Variants in CELSR1 observed in about 807,000 individuals in gnomAD.
CELSR1 encodes adhesion G protein-coupled receptor C1.
In CELSR1, 110 loss-of-function variants were observed where a neutral mutation model predicts 249.1. The ratio of observed to expected loss-of-function variants is 0.44; its 90% CI spans 0.38 to 0.52. The LOEUF (loss-of-function observed/expected upper bound fraction) is 0.52. Among genes scored for constraint, CELSR1 ranks in the 20% least tolerant of loss-of-function variants. CELSR1 has a pLI of 0.00. For missense variants in CELSR1, 4,109 were observed against 4,296.4 expected (o/e 0.96, Z 1.22); for synonymous variants, 2,113 against 1,900.0 (o/e 1.11, Z -2.92).
chr22:46,369,318 C>G, intron 26 of CELSR1, 60 bp from the exon 27 acceptor site: 2 of 1,432,116 alleles, frequency 1.4e-6, no homozygotes, highest in Non-Finnish European at 2.0e-6. Flanking sequence ...CTCCAACTGC[C>G]AAAAGCGCCT....
intron 1 of CELSR1, among the ~76,000 whole-genome samples, chr22:46,495,495 G>T (rs544276796): frequency 8.5e-5 from 13 of 152,310 alleles, no homozygotes; most frequent in African/African-American, 3.1e-4. Flanking sequence ...GTGCACTCCT[G>T]CAGACTTTAT....
At chr22:46,487,443 G>A (rs76621292) in intron 1 of CELSR1, among the ~76,000 whole-genome samples, 18,208 of 145,286 alleles carry the variant, frequency 0.13, 1,390 homozygotes, top group East Asian at 0.17. Flanking sequence ...ATCTAGGGAT[G>A]CCAAGAGGGA....
In CELSR1 at chr22:46,381,863, G is replaced by T; in HGVS notation, c.7071C>A (p.Pro2357=). 1.3e-6 allele frequency: 2 copies of T among 1,563,166 alleles called. No homozygotes were observed. ...LGQLLPERYD[P]DRRSLRLPHR... is the part of the protein sequence containing the mutation. ...GGCCTTACCGGAGGCTGCGACGGTC[G>T]GGGTCGTAGCGCTCGGGCAGGAGCT... The change falls in exon 21 of 35, where the codon CCC becomes CCA. Residue 2357 remains proline (P), a synonymous_variant. Coordinates refer to ENST00000674500, the MANE Select transcript of CELSR1 (RefSeq NM_001378328.1). This position sits in a 1 kb window ranked among gnomAD's most constrained non-coding sequence, Gnocchi z 6.0.
In CELSR1 at chr22:46,422,027, T is replaced by C. The variant is rs141718849; in HGVS notation, c.4612-10268A>G. On this transcript the variant is annotated intron_variant, in intron 5 of 34. Coordinates refer to ENST00000674500, the MANE Select transcript of CELSR1 (RefSeq NM_001378328.1). The stretch of plus-strand genomic sequence containing the variant: ...TTTATCATAAGGATTTTACATACTT[T>C]GCAAGGCTTAATTAACTTTGTAAAA... Among the ~76,000 whole-genome samples the C allele has an allele frequency of 3.3e-5, 5 of 152,406 alleles. No homozygotes were observed. The East Asian group carries it at 9.6e-4, about 29-fold the overall frequency.
chr22:46,380,915 T>C lies in CELSR1; in HGVS notation c.7129A>G (p.Thr2377Ala), dbSNP rs554929905. 1.0e-4 allele frequency: 168 copies of C among 1,613,606 alleles called. 3 individuals carry two copies. In the South Asian group the frequency reaches 1.7e-3, roughly 16 times the overall value. ...GGAGCCCCCTCGCTGTACACCAGCG[T>C]GCTCACCATCGGGGTATTAATGATG... The part of the protein sequence containing the change: ...RPIINTPMVS[T>A]LVYSEGAPLP... Residue 2377 changes from threonine to alanine, a missense_variant, in exon 22 of 35, where the codon ACG (threonine) becomes GCG (alanine). Transcript: ENST00000674500. The surrounding 1 kb of genome is among the most constrained non-coding windows in gnomAD (Gnocchi z 5.1).
chr22:46,448,947 G>A lies in CELSR1; in HGVS notation c.4184-9536C>T, dbSNP rs184765654. Among the ~76,000 whole-genome samples, 174 of 152,216 alleles carry A rather than the reference G, an allele frequency of 1.1e-3. No individual in the cohort carries two copies. The highest frequency in any genetic ancestry group is 3.9e-3 in the African/African-American group (160 of 41,524). On this transcript the variant is annotated intron_variant, in intron 2 of 34. Coordinates refer to ENST00000674500, the MANE Select transcript of CELSR1 (RefSeq NM_001378328.1). This position sits in a 1 kb window ranked among gnomAD's most constrained non-coding sequence, Gnocchi z 5.7. ...GGGAACGTTACAGGGTTTCTAAGAG[G>A]AAAAGGGTATGTCAGAAATGATAAA...
intron 1 of CELSR1, among the ~76,000 whole-genome samples, chr22:46,525,919 C>T (rs534182341): frequency 8.5e-5 from 13 of 152,398 alleles, no homozygotes; most frequent in African/African-American, 2.6e-4. Context: ...CCGCTCCAGG[C>T]GTGGCCAGCA....
chr22:46,478,911 T>G (rs2080238462), intron 1 of CELSR1, among the ~76,000 whole-genome samples: 1 of 151,956 alleles, frequency 6.6e-6, no homozygotes, highest in South Asian at 2.1e-4. Flanking sequence ...CAGCAGGTCC[T>G]GCTCAGAGCT....
chr22:46,398,551 CACGGAG>C lies in CELSR1; in HGVS notation c.5493_5498del (p.Ser1832_Val1833del). 1 of 1,613,442 alleles carries C rather than the reference CACGGAG, an allele frequency of 6.2e-7. No homozygotes were observed. The highest frequency in any genetic ancestry group is 8.5e-7 in the Non-Finnish European group (1 of 1,179,770). On this transcript the variant is annotated inframe_deletion, in exon 11 of 35. Transcript: ENST00000674500. The surrounding 1 kb of genome is among the most constrained non-coding windows in gnomAD (Gnocchi z 7.2). ...GCATGCAGCCTCGGAATCCACGGCG[CACGGAG>C]ACCTTGTCTTCAGAGGCGCCTCCGA... is the stretch of plus-strand genomic sequence containing the variant.
In CELSR1 at chr22:46,526,743, A is replaced by G. The variant is rs972559799; in HGVS notation, c.3544+6884T>C. On this transcript the variant is annotated intron_variant, in intron 1 of 34. Coordinates refer to ENST00000674500, the MANE Select transcript of CELSR1 (RefSeq NM_001378328.1). The surrounding 1 kb of genome is among the most constrained non-coding windows in gnomAD (Gnocchi z 4.7). ...CCCCACCCAGGAGGCTATTCGGGCC[A>G]TGGCTCCTCAAGGCTGGGCCTGGGT... is the stretch of plus-strand genomic sequence containing the variant. Among the ~76,000 whole-genome samples, 2 of 152,154 alleles carry G rather than the reference A, an allele frequency of 1.3e-5. No individual in the cohort carries two copies. The highest frequency in any genetic ancestry group is 2.9e-5 in the Non-Finnish European group (2 of 68,028).
In CELSR1 at chr22:46,506,173, CAAAAAA is replaced by C. The variant is rs59470297; in HGVS notation, c.3544+27448_3544+27453del. On this transcript the variant is annotated intron_variant, in intron 1 of 34. Transcript: ENST00000674500. The surrounding 1 kb of genome is among the most constrained non-coding windows in gnomAD (Gnocchi z 4.1). The stretch of plus-strand genomic sequence containing the variant: ...CAGCCTGGGCGACAGAGACTGTCTC[CAAAAAA>C]AAAAAAAAAAAAAAGAAAAAGAAAG... Among the ~76,000 whole-genome samples, 4 of 137,022 alleles carry C rather than the reference CAAAAAA, an allele frequency of 2.9e-5. No individual in the cohort carries two copies. Among genetic ancestry groups the C allele is most frequent in the Non-Finnish European group, 1.6e-5 (1 of 64,142 alleles). 89.9% of individuals were successfully genotyped at this position (137,022 alleles called of 152,430 possible).
At chr22:46,474,343 T>A (rs1034958380) in intron 1 of CELSR1, among the ~76,000 whole-genome samples, 4 of 151,996 alleles carry the variant, frequency 2.6e-5, no homozygotes, top group African/African-American at 9.7e-5. Context: ...AAGTCCACAC[T>A]CTGTAACCCC....
rs45551035 is a variant in CELSR1, at chr22:46,439,379, G to A, written c.4216C>T (p.Arg1406Cys). 6.3e-5 allele frequency: 102 copies of A among 1,613,542 alleles called. No individual in the cohort carries two copies. Among genetic ancestry groups the A allele is most frequent in the African/African-American group, 9.3e-5 (7 of 75,028 alleles). ...TTCTTGCACACCCCGTTGGCACAGC[G>A]GCCTGAGCGGGCATCCACCTCACAG... is the stretch of plus-strand genomic sequence containing the variant. The part of the protein sequence containing the change: ...EHCEVDARSG[R>C]CANGVCKNGG... The change falls in exon 3 of 35, where the codon CGC (arginine) becomes TGC (cysteine). Residue 1406 changes from arginine (R) to cysteine (C), a missense_variant. Physicochemically the swap from Arg to Cys is radical, Grantham distance 180. Coordinates refer to ENST00000674500, the MANE Select transcript of CELSR1 (RefSeq NM_001378328.1).
At chr22:46,388,842 T>C (rs1602062714) in intron 18 of CELSR1, among the ~76,000 whole-genome samples, 1 of 152,118 alleles carries the variant, frequency 6.6e-6, no homozygotes, top group African/African-American at 2.4e-5. Context: ...GAGCTGCGGG[T>C]GGGAGTGGAC....
chr22:46,535,059 G>A lies in CELSR1; in HGVS notation c.2112C>T (p.Ser704=), dbSNP rs145293715. Residue 704 remains serine, a synonymous_variant, in exon 1 of 35, where the codon AGC becomes AGT. Coordinates refer to ENST00000674500, the MANE Select transcript of CELSR1 (RefSeq NM_001378328.1). ...CGCGGGCCTGCAGGGTCAGCACGCT[G>A]CTCCCCACGGCCGCATCCTCATTCA... The part of the protein sequence containing the change: ...LRLNEDAAVG[S]SVLTLQARDR... 1.4e-5 allele frequency: 22 copies of A among 1,612,372 alleles called. No homozygotes were observed. In the African/African-American group the frequency reaches 2.8e-4, roughly 21 times the overall value.
In CELSR1 at chr22:46,430,183, GAC is replaced by G. The variant is rs1475517010; in HGVS notation, c.4611+3208_4611+3209del. On this transcript the variant is annotated intron_variant, in intron 5 of 34. Transcript: ENST00000674500. This position sits in a 1 kb window ranked among gnomAD's most constrained non-coding sequence, Gnocchi z 4.6. ...GACACAGCCACTCTGGAGGGCGGGG[GAC>G]AGAGAACGAGACTGAAGAGAGGAGG... 1.3e-5 allele frequency among the ~76,000 whole-genome samples: 2 copies of G among 152,244 alleles called. No homozygotes were observed. The highest frequency in any genetic ancestry group is 4.8e-5 in the African/African-American group (2 of 41,464).
intron 1 of CELSR1, among the ~76,000 whole-genome samples, chr22:46,476,787 A>C (rs2080213078): frequency 6.6e-6 from 1 of 152,054 alleles, no homozygotes; most frequent in African/African-American, 2.4e-5. Flanking sequence ...AGGGACCAGA[A>C]GTGATTAAGC....
intron 2 of CELSR1, among the ~76,000 whole-genome samples, chr22:46,443,988 A>C (rs1460251277): frequency 6.6e-6 from 1 of 152,110 alleles, no homozygotes; most frequent in Non-Finnish European, 1.5e-5. Context: ...GGGTGTACTC[A>C]CCCAACCTCG....
chr22:46,447,561 T>C lies in CELSR1; in HGVS notation c.4184-8150A>G, dbSNP rs1355469669. Reference sequence around the variant, plus strand: ...ACCTATTGCTGTGCTCACTCACGCATGCAGCCTGCCAAAAGCTCCCCCTCT... The same window carrying C: ...ACCTATTGCTGTGCTCACTCACGCACGCAGCCTGCCAAAAGCTCCCCCTCT... On this transcript the variant is annotated intron_variant, in intron 2 of 34. Coordinates refer to ENST00000674500, the MANE Select transcript of CELSR1 (RefSeq NM_001378328.1). This position sits in a 1 kb window ranked among gnomAD's most constrained non-coding sequence, Gnocchi z 4.7. Among the ~76,000 whole-genome samples, 1 of 152,200 alleles carries C rather than the reference T, an allele frequency of 6.6e-6. No individual in the cohort carries two copies. The highest frequency in any genetic ancestry group is 2.4e-5 in the African/African-American group (1 of 41,462).
Sources: gnomAD v4.1 joint callset for allele counts (sites outside exome capture counted in the v4.1 genomes callset) on GRCh38, gnomAD v4.1.1 for gene constraint, Gnocchi (gnomAD v3.1) non-coding constraint, MANE v1.5 for transcripts, NCBI Gene and HGNC (gene_info 2026-07-23, HGNC 2026-07-21) for gene names.